The following HPS5 variants were observed in gnomAD, a reference collection of about 807,000 sequenced individuals.
HPS5 encodes the protein HPS5 biogenesis of lysosomal organelles complex 2 subunit 2, also known as BLOC-2 complex member HPS5.
HPS5 carries 83 observed loss-of-function variants against 128.0 expected under a neutral mutation model. The ratio of observed to expected loss-of-function variants is 0.65; its 90% CI spans 0.54 to 0.78. The LOEUF is 0.78. Ranked by LOEUF, HPS5 falls within the 30% of genes least tolerant of loss-of-function variation. HPS5 has a pLI of 0.00. For missense variants in HPS5, 1,281 were observed against 1,326.2 expected (o/e 0.97, Z 0.53); for synonymous variants, 475 against 470.2 (o/e 1.01, Z -0.13).
chr11:18,311,502 A>ATTT (rs2133859106), intron 3 of HPS5, 51 bp from the exon 4 acceptor site: 3 of 823,504 alleles, frequency 3.6e-6, no homozygotes, highest in Non-Finnish European at 5.3e-6. Flanking sequence ...TTACATTATT[A>ATTT]TTATTATTAT....
Position 18,282,170 on chromosome 11 carries a change from G to C in HPS5, c.3109C>G (p.Gln1037Glu). 1 of 1,614,168 alleles carries C rather than the reference G, an allele frequency of 6.2e-7. No individual in the cohort carries two copies. Among genetic ancestry groups the C allele is most frequent in the Non-Finnish European group, 8.5e-7 (1 of 1,180,018 alleles). The change falls in exon 22 of 23, where the codon CAG becomes GAG. Residue 1037 changes from glutamine to glutamate, a missense_variant. Coordinates refer to ENST00000349215, the MANE Select transcript of HPS5 (RefSeq NM_181507.2). ...GGGGCTGGCCTCGTGCTCTTGCTCT[G>C]TATGAGATGAAGGAGAAGCTTCCAT... Reference protein sequence around the residue: ...EEWKLLLHLIQSKSTRPAPQE... With the variant: ...EEWKLLLHLIESKSTRPAPQE...
intron 6 of HPS5, among the ~76,000 whole-genome samples, chr11:18,306,712 G>A (rs1564968476): frequency 6.6e-6 from 1 of 152,184 alleles, no homozygotes; most frequent in Non-Finnish European, 1.5e-5. Context: ...TTTGTAAAAT[G>A]TTCTTTGGAC....
chr11:18,297,906 C>T (rs894451302), intron 10 of HPS5, among the ~76,000 whole-genome samples, 189 bp from the exon 11 acceptor site: 5 of 151,906 alleles, frequency 3.3e-5, no homozygotes, highest in African/African-American at 1.2e-4. Flanking sequence ...ATGGTGAAAC[C>T]CCGTCTCTAC....
rs763069496 is a variant in HPS5 at position 18,305,526 on chromosome 11, TCTGTTAAAAG to T, written c.825-43_825-34del. 4 of 1,479,108 alleles carry T rather than the reference TCTGTTAAAAG, an allele frequency of 2.7e-6. No individual in the cohort carries two copies. The South Asian group carries it at 4.6e-5, about 17-fold the overall frequency. 91.6% of individuals were successfully genotyped at this position (1,479,108 alleles called of 1,614,324 possible). A position where few individuals can be genotyped will look rare whatever the true frequency, so the allele number is the denominator to read the frequency against. On this transcript the variant is annotated intron_variant, in intron 7 of 22. Coordinates refer to ENST00000349215, the MANE Select transcript of HPS5 (RefSeq NM_181507.2). Reference sequence around the variant, plus strand: ...GTAAACACATCTGTTAATGAGTTTATCTGTTAAAAGTATAACATAAAATTACACTTTTCCC... The same window carrying T: ...GTAAACACATCTGTTAATGAGTTTATTATAACATAAAATTACACTTTTCCC...
In HPS5 at chr11:18,296,900, G is replaced by T. The variant is rs1471829586; in HGVS notation, c.1408C>A (p.Leu470Ile). The stretch of plus-strand genomic sequence containing the variant: ...TCTTCTGAGAGGGTTTGGCTGTGAA[G>T]GGAGCAAGAGTCTTCATCTGACTGA... ...GSQSDEDSCS[L>I]HSQTLSEDER... is the part of the protein sequence containing the mutation. Residue 470 changes from leucine (L) to isoleucine (I), a missense_variant, in exon 12 of 23, where the codon CTT (leucine) becomes ATT (isoleucine). Physicochemically the swap from Leu to Ile is conservative, Grantham distance 5. Coordinates refer to ENST00000349215, the MANE Select transcript of HPS5 (RefSeq NM_181507.2). 2 of 1,612,596 alleles carry T rather than the reference G, an allele frequency of 1.2e-6. No homozygotes were observed. Among genetic ancestry groups the T allele is most frequent in the Non-Finnish European group, 1.7e-6 (2 of 1,178,780 alleles).
intron 16 of HPS5, among the ~76,000 whole-genome samples, chr11:18,290,102 C>T (rs1201720895): frequency 1.3e-5 from 2 of 152,132 alleles, no homozygotes; most frequent in African/African-American, 4.8e-5. Flanking sequence ...CCAGGCCAGG[C>T]CTATAAGACA....
intron 22 of HPS5, among the ~76,000 whole-genome samples, chr11:18,281,190 GC>G (rs1327416759): frequency 6.6e-6 from 1 of 150,548 alleles, no homozygotes; most frequent in East Asian, 1.9e-4. Context: ...CGATTCTCCT[GC>G]CTCAGCTTCC....
chr11:18,292,828 C>G (rs1590074973), intron 15 of HPS5, 71 bp downstream of exon 15: 1 of 1,127,760 alleles, frequency 8.9e-7, no homozygotes, highest in East Asian at 2.3e-5. Flanking sequence ...AAAAAACTTA[C>G]AATATAATGA....
chr11:18,302,762 G>T (rs1391647756), intron 8 of HPS5, among the ~76,000 whole-genome samples: 1 of 128,542 alleles, frequency 7.8e-6, no homozygotes, highest in Non-Finnish European at 1.5e-5. Context: ...GAAATGGTCA[G>T]AATCTGAATC....
In HPS5 at chr11:18,279,821, G is replaced by T; in HGVS notation, c.*61C>A. On this transcript the variant is annotated 3_prime_UTR_variant, in exon 23 of 23. Transcript: ENST00000349215. ...CTTCAATAACAAATGCGTTCAGAAG[G>T]TTCAGGAGCATGATTTAGTTTTTCT... 1.3e-6 allele frequency: 2 copies of T among 1,501,008 alleles called. No homozygotes were observed. The highest frequency in any genetic ancestry group is 1.9e-6 in the Non-Finnish European group (2 of 1,077,402). The allele number at this position is 1,501,008 out of a possible 1,614,324, so 93.0% of individuals were successfully genotyped here.
rs145406449 is a variant in HPS5 at position 18,312,020 on chromosome 11, G to A, written c.113C>T (p.Thr38Met). ...LRLDSSRLKC[T>M]SIAVSRKWLA... is the part of the protein sequence containing the mutation. ...CCATTTCCGAGACACAGCTATGCTC[G>A]TGCACTAAAAACATGTGAAGAGAAG... The change falls in exon 3 of 23, where the codon ACG becomes ATG. Residue 38 changes from threonine to methionine, a missense_variant. By Grantham distance (81) the Thr-to-Met change is moderately conservative. Transcript: ENST00000349215. 3 of 1,611,464 alleles carry A rather than the reference G, an allele frequency of 1.9e-6. No homozygotes were observed. The highest frequency in any genetic ancestry group is 1.7e-6 in the Non-Finnish European group (2 of 1,177,764).
At chr11:18,299,094 C>T (rs113586380) in intron 9 of HPS5, 124 bp from the exon 10 acceptor site, 4 of 824,158 alleles carry the variant, frequency 4.9e-6, no homozygotes, top group African/African-American at 3.4e-5. Flanking sequence ...TGAATTTCAT[C>T]TCTATTTTTC....
intron 16 of HPS5, among the ~76,000 whole-genome samples, chr11:18,289,672 TTAAG>T (rs1860161003): frequency 6.6e-6 from 1 of 152,228 alleles, no homozygotes; most frequent in African/African-American, 2.4e-5. Context: ...TAAAATATCT[TTAAG>T]TAAGATGACA....
At chr11:18,318,937 G>A (rs554713370) in intron 1 of HPS5, among the ~76,000 whole-genome samples, 15 of 149,942 alleles carry the variant, frequency 1.0e-4, no homozygotes, top group African/African-American at 3.5e-4. Context: ...CTTTCTAGTG[G>A]CAAAACGAAG....
At position 18,286,996 on chromosome 11, in the gene HPS5, A is replaced by T. The variant is rs11821169; in HGVS notation, c.2718-286T>A. 3.9e-4 allele frequency: 231 copies of T among 597,480 alleles called. 1 individual carries two copies. The highest frequency in any genetic ancestry group is 3.8e-3 in the African/African-American group (204 of 53,860). The allele number at this position is 597,480 out of a possible 1,614,324, so 37.0% of individuals were successfully genotyped here. On this transcript the variant is annotated intron_variant, in intron 18 of 22. Transcript: ENST00000349215. Reference sequence around the variant, plus strand: ...CCAGAGTAGGAAGATCACTGAGGCCATAAGTTTGAGGCTGTAGTATGCTAT... The same window carrying T: ...CCAGAGTAGGAAGATCACTGAGGCCTTAAGTTTGAGGCTGTAGTATGCTAT...
At chr11:18,298,069 G>A (rs184917631) in intron 10 of HPS5, among the ~76,000 whole-genome samples, 92 of 147,498 alleles carry the variant, frequency 6.2e-4, no homozygotes, top group African/African-American at 2.1e-3. Context: ...TGGGGGACAA[G>A]AGTGAGACTT....
At chr11:18,288,695 T>A (rs1223853796) in intron 16 of HPS5, among the ~76,000 whole-genome samples, 1 of 152,048 alleles carries the variant, frequency 6.6e-6, no homozygotes, top group African/African-American at 2.4e-5. Context: ...TTGCCCAGGC[T>A]GGAGTGCAGT....
intron 1 of HPS5, among the ~76,000 whole-genome samples, chr11:18,321,370 A>G (rs531985329): frequency 7.4e-4 from 113 of 152,276 alleles, no homozygotes; most frequent in African/African-American, 1.8e-3. Context: ...CCCATTTACC[A>G]AAACCCTACC....
Position 18,287,936 on chromosome 11 carries a change from C to T in HPS5, c.2518G>A (p.Glu840Lys), listed in dbSNP as rs547917823. The T allele has an allele frequency of 2.7e-5, 44 of 1,614,012 alleles. No homozygotes were observed. The highest frequency in any genetic ancestry group is 2.5e-4 in the South Asian group (23 of 91,078). The change falls in exon 17 of 23, where the codon GAG becomes AAG. Residue 840 changes from glutamate (E) to lysine (K), a missense_variant. Coordinates refer to ENST00000349215, the MANE Select transcript of HPS5 (RefSeq NM_181507.2). ...LPTRLKLLDD[E>K]VPFDSPLLVV... ...AACAACGGACTATCAAAAGGAACCT[C>T]GTCATCTAGTAACTTTAACCTTGTT...
Sources: allele counts gnomAD v4.1 joint callset (sites outside exome capture counted in the v4.1 genomes callset), GRCh38; gene constraint gnomAD v4.1.1; transcripts MANE v1.5; gene names NCBI Gene and HGNC (gene_info 2026-07-23, HGNC 2026-07-21).